Variants in ENTREP2 observed in about 807,000 individuals in gnomAD.
The protein encoded by ENTREP2 is endosomal transmembrane epsin interactor 2.
the ENTREP2 span, chr15:29,233,727 T>G: frequency 7.2e-7 from 1 of 1,386,312 alleles, no homozygotes; most frequent in South Asian, 1.2e-5. Context: ...TACATGGATC[T>G]GAGCTGTTTG....
chr15:29,639,255 GA>G, the ENTREP2 span, among the ~76,000 whole-genome samples: 1 of 152,112 alleles, frequency 6.6e-6, no homozygotes, highest in Non-Finnish European at 1.5e-5. Context: ...ATGCTGTCCA[GA>G]AAAAAACTGG....
At chr15:29,599,011 C>T in the ENTREP2 span, among the ~76,000 whole-genome samples, 34,646 of 152,170 alleles carry the variant, frequency 0.23, 4,155 homozygotes, top group South Asian at 0.32. Flanking sequence ...GACCTAAAAT[C>T]TTGACCCAGT....
chr15:29,384,223 T>C, the ENTREP2 span, among the ~76,000 whole-genome samples: 1 of 152,200 alleles, frequency 6.6e-6, no homozygotes, highest in Non-Finnish European at 1.5e-5. Context: ...TTTCAGACCC[T>C]GACTTCACTC....
chr15:29,641,527 C>A, the ENTREP2 span, among the ~76,000 whole-genome samples: 7 of 151,994 alleles, frequency 4.6e-5, no homozygotes, highest in South Asian at 1.2e-3. Context: ...CATGCACAAT[C>A]AAAAAATGAA....
At chr15:29,613,425 C>A in the ENTREP2 span, 1 of 464,946 alleles carries the variant, frequency 2.2e-6, no homozygotes. Flanking sequence ...GGGCTTCCAG[C>A]TGACCCACTC....
the ENTREP2 span, among the ~76,000 whole-genome samples, chr15:29,134,289 T>C: frequency 6.6e-6 from 1 of 152,222 alleles, no homozygotes; most frequent in South Asian, 2.1e-4. Context: ...TTCAGGGCCA[T>C]GCCCACCTCC....
At chr15:29,630,572 C>T in the ENTREP2 span, among the ~76,000 whole-genome samples, 1 of 152,206 alleles carries the variant, frequency 6.6e-6, no homozygotes, top group Non-Finnish European at 1.5e-5. Context: ...TTTTCAGCTT[C>T]ACAAATTTTC....
At chr15:29,427,628 T>C in the ENTREP2 span, among the ~76,000 whole-genome samples, 1 of 151,284 alleles carries the variant, frequency 6.6e-6, no homozygotes, top group African/African-American at 2.4e-5. Context: ...CTTCTCTGAC[T>C]CTCCTGCCTC....
chr15:29,410,563 C>G, the ENTREP2 span, among the ~76,000 whole-genome samples: 1 of 152,172 alleles, frequency 6.6e-6, no homozygotes. Context: ...GGGTAACACA[C>G]TTGGACTAGC....
chr15:29,172,257 A>G, the ENTREP2 span, among the ~76,000 whole-genome samples: 1 of 152,346 alleles, frequency 6.6e-6, no homozygotes, highest in East Asian at 1.9e-4. Flanking sequence ...TTCCATCGTG[A>G]TGTACTGATT....
chr15:29,212,566 G>T, the ENTREP2 span, among the ~76,000 whole-genome samples: 1 of 152,046 alleles, frequency 6.6e-6, no homozygotes, highest in Admixed American at 6.5e-5. Flanking sequence ...AGTTCCTTGA[G>T]ATGTGACCCT....
chr15:29,273,255 G>A, the ENTREP2 span, among the ~76,000 whole-genome samples: 1 of 149,280 alleles, frequency 6.7e-6, no homozygotes, highest in Non-Finnish European at 1.5e-5. Context: ...CTGGAGTGCA[G>A]TGTCACGATC....
the ENTREP2 span, among the ~76,000 whole-genome samples, chr15:29,289,785 T>A: frequency 7.9e-5 from 12 of 151,624 alleles, no homozygotes; most frequent in African/African-American, 2.9e-4. Flanking sequence ...GGTGGAGGTT[T>A]CAGTGAGCCA....
chr15:29,161,306 C>T, the ENTREP2 span, among the ~76,000 whole-genome samples: 2 of 152,182 alleles, frequency 1.3e-5, no homozygotes, highest in African/African-American at 4.8e-5. Context: ...AGTGTTTCTG[C>T]CCCATAACGC....
At chr15:29,217,395 C>T in the ENTREP2 span, among the ~76,000 whole-genome samples, 2 of 152,092 alleles carry the variant, frequency 1.3e-5, no homozygotes, top group African/African-American at 2.4e-5. Flanking sequence ...TTAGTAAAAA[C>T]GAGGTTGGGC....
chr15:29,650,660 A>T, the ENTREP2 span, among the ~76,000 whole-genome samples: 1 of 152,108 alleles, frequency 6.6e-6, no homozygotes, highest in African/African-American at 2.4e-5. Context: ...GAAAAGGTAG[A>T]GGTACAAATG....
chr15:29,665,710 C>T, the ENTREP2 span, among the ~76,000 whole-genome samples: 1 of 152,142 alleles, frequency 6.6e-6, no homozygotes, highest in South Asian at 2.1e-4. Context: ...ACATCTTGGA[C>T]TCTAACGTAA....
At chr15:29,508,945 A>G in the ENTREP2 span, among the ~76,000 whole-genome samples, 2 of 152,194 alleles carry the variant, frequency 1.3e-5, no homozygotes, top group East Asian at 3.9e-4. Flanking sequence ...CAAGTAGGAA[A>G]AGAGGAAGTC....
chr15:29,373,956 TA>T, the ENTREP2 span: 1 of 152,058 alleles, frequency 6.6e-6, no homozygotes, highest in Admixed American at 6.6e-5. Context: ...CTAATTTTCA[TA>T]AAAATATGTA....
Sources: gnomAD v4.1 joint callset for allele counts (sites outside exome capture counted in the v4.1 genomes callset) on GRCh38, gnomAD v4.1.1 for gene constraint, MANE v1.5 for transcripts, NCBI Gene and HGNC (gene_info 2026-07-23, HGNC 2026-07-21) for gene names.